The following TF variants were observed in gnomAD, a reference collection of about 807,000 sequenced individuals.
The protein encoded by TF is transferrin.
TF carries 55 observed loss-of-function variants against 82.4 expected under a neutral mutation model. That is an observed-to-expected ratio of 0.67 (90% confidence interval 0.54 to 0.84). The LOEUF (loss-of-function observed/expected upper bound fraction) is 0.84, where lower values mean the gene tolerates loss of function less well. TF is among the 40% of genes least tolerant of loss of function. The probability of loss-of-function intolerance (pLI) is 0.00; values close to 1 mark genes in which losing one functional copy is unlikely to be tolerated. For synonymous variants in TF, 332 were observed against 332.6 expected (o/e 1.00, Z 0.02); for missense variants, 737 against 868.4 (o/e 0.85, Z 1.90).
the TF span, chr3:133,692,755 C>T: frequency 6.6e-6 from 1 of 152,214 alleles, no homozygotes; most frequent in Non-Finnish European, 1.5e-5. Flanking sequence ...GGCCCTTATT[C>T]CTCTCGGCTC....
the TF span, among the ~76,000 whole-genome samples, chr3:133,681,980 C>A: frequency 5.3e-5 from 8 of 152,160 alleles, no homozygotes; most frequent in Non-Finnish European, 1.0e-4. Context: ...CTCATATGGC[C>A]AGGTGCCCAT....
chr3:133,752,393 C>T (rs1056605399), intron 2 of TF, among the ~76,000 whole-genome samples: 1 of 152,142 alleles, frequency 6.6e-6, no homozygotes, highest in African/African-American at 2.4e-5. Flanking sequence ...GCCACTATAC[C>T]TGGCCTGCTT....
At chr3:133,732,256 C>T in the TF span, among the ~76,000 whole-genome samples, 18,139 of 152,092 alleles carry the variant, frequency 0.12, 1,261 homozygotes, top group Non-Finnish European at 0.15. Context: ...GCTTCTGGGT[C>T]GGGTGGGGAC....
the TF span, among the ~76,000 whole-genome samples, chr3:133,683,765 A>AC: frequency 1.3e-5 from 2 of 152,012 alleles, no homozygotes; most frequent in African/African-American, 2.4e-5. Flanking sequence ...AGACTTTAAC[A>AC]CCCCCCTGTC....
At chr3:133,758,966 G>A (rs767208355) in intron 8 of TF, among the ~76,000 whole-genome samples, 37 of 152,128 alleles carry the variant, frequency 2.4e-4, no homozygotes, top group Non-Finnish European at 4.6e-4. Flanking sequence ...TTGGCTTCTC[G>A]GAAGACATAA....
intron 13 of TF, 66 bp from the exon 14 acceptor site, chr3:133,770,442 C>A: frequency 6.9e-7 from 1 of 1,451,668 alleles, no homozygotes; most frequent in South Asian, 1.1e-5. Context: ...TAAGGTAGCC[C>A]CCTGAATGAC....
chr3:133,786,980 G>A lies in TF; in HGVS notation c.*8360G>A, dbSNP rs1006849547. 9.9e-5 allele frequency: 15 copies of A among 152,266 alleles called. No homozygotes were observed. Among genetic ancestry groups the A allele is most frequent in the Admixed American group, 6.5e-4 (10 of 15,288 alleles). 9.4% of individuals were successfully genotyped at this position (152,266 alleles called of 1,614,324 possible). Reference sequence around the variant, plus strand: ...GAAGTGGAATTGTGAAGCCACCTCTGTAAGCAGTATAGTACTGTCTATACT... The same window carrying A: ...GAAGTGGAATTGTGAAGCCACCTCTATAAGCAGTATAGTACTGTCTATACT... On this transcript the variant is annotated 3_prime_UTR_variant, in exon 17 of 17. Coordinates refer to ENST00000402696, the MANE Select transcript of TF (RefSeq NM_001063.4).
chr3:133,669,006 T>C, the TF span, among the ~76,000 whole-genome samples: 42 of 152,222 alleles, frequency 2.8e-4, no homozygotes, highest in South Asian at 8.5e-3. Flanking sequence ...TTTTCTTTTT[T>C]CTTTTTTTTT....
At chr3:133,759,865 G>C (rs1933943302) in intron 9 of TF, among the ~76,000 whole-genome samples, 1 of 151,976 alleles carries the variant, frequency 6.6e-6, no homozygotes, top group Non-Finnish European at 1.5e-5. Flanking sequence ...TTGGCTTACA[G>C]AGAATTTTTA....
the TF span, among the ~76,000 whole-genome samples, chr3:133,679,446 A>G: frequency 6.6e-6 from 1 of 152,218 alleles, no homozygotes; most frequent in South Asian, 2.1e-4. Flanking sequence ...ACCAAGATAA[A>G]TGACATTTTC....
At position 133,780,311 on chromosome 3, in the gene TF, G is replaced by C. The variant is rs1319773007; in HGVS notation, c.*1691G>C. 1 of 152,072 alleles carries C rather than the reference G, an allele frequency of 6.6e-6. No homozygotes were observed. The highest frequency in any genetic ancestry group is 1.5e-5 in the Non-Finnish European group (1 of 68,028). The allele number at this position is 152,072 out of a possible 1,614,324, so 9.4% of individuals were successfully genotyped here. ...GGTGAGATACCCCATGGCTCCCCTGGGACGCAGTCTGTCTCATTGCAATGG... is the reference window on the plus strand; with the variant it reads ...GGTGAGATACCCCATGGCTCCCCTGCGACGCAGTCTGTCTCATTGCAATGG... On this transcript the variant is annotated 3_prime_UTR_variant, in exon 17 of 17. Coordinates refer to ENST00000402696, the MANE Select transcript of TF (RefSeq NM_001063.4).
At chr3:133,720,052 T>C in the TF span, among the ~76,000 whole-genome samples, 16 of 152,184 alleles carry the variant, frequency 1.1e-4, no homozygotes, top group Admixed American at 9.8e-4. Context: ...CAATGATAAT[T>C]TGACTTCCCT....
chr3:133,734,815 A>C, the TF span, among the ~76,000 whole-genome samples: 1 of 152,168 alleles, frequency 6.6e-6, no homozygotes, highest in African/African-American at 2.4e-5. Flanking sequence ...AAAAAAAAAA[A>C]AAACCTGTTA....
At chr3:133,701,015 G>A in the TF span, 4 of 152,610 alleles carry the variant, frequency 2.6e-5, no homozygotes, top group African/African-American at 9.7e-5. Context: ...CTGTACCTGG[G>A]ATATGAGTAT....
At chr3:133,672,070 G>C in the TF span, among the ~76,000 whole-genome samples, 2 of 152,020 alleles carry the variant, frequency 1.3e-5, no homozygotes, top group East Asian at 3.8e-4. Context: ...AAATGTCAAA[G>C]GATAAGATCA....
chr3:133,665,457 G>T, the TF span, among the ~76,000 whole-genome samples: 1 of 132,586 alleles, frequency 7.5e-6, no homozygotes, highest in African/African-American at 2.8e-5. Context: ...AACAGAGTGA[G>T]ACCCTATCTC....
chr3:133,710,792 G>GC, the TF span, among the ~76,000 whole-genome samples: 2 of 151,756 alleles, frequency 1.3e-5, no homozygotes, highest in Admixed American at 1.3e-4. Context: ...TTTAAAATTG[G>GC]CCCCCCCACA....
At chr3:133,674,341 G>T in the TF span, among the ~76,000 whole-genome samples, 1 of 152,244 alleles carries the variant, frequency 6.6e-6, no homozygotes, top group Non-Finnish European at 1.5e-5. Context: ...AGGCTCCGGG[G>T]TGCTGCCCCC....
chr3:133,725,554 G>A, the TF span, among the ~76,000 whole-genome samples: 1 of 152,030 alleles, frequency 6.6e-6, no homozygotes, highest in African/African-American at 2.4e-5. Context: ...AGGAGATTTT[G>A]GGCTGAGACA....
Sources: allele counts gnomAD v4.1 joint callset (sites outside exome capture counted in the v4.1 genomes callset), GRCh38; gene constraint gnomAD v4.1.1; transcripts MANE v1.5; gene names NCBI Gene and HGNC (gene_info 2026-07-23, HGNC 2026-07-21).